C3orf52: variants seen among roughly 807,000 people sequenced by gnomAD.
C3orf52 encodes chromosome 3 open reading frame 52.
In C3orf52, 22 loss-of-function variants were observed where a neutral mutation model predicts 24.8. The ratio of observed to expected loss-of-function variants is 0.89; its 90% CI spans 0.63 to 1.27. The LOEUF is 1.27. Ranked by LOEUF, C3orf52 falls within the 50% of genes most tolerant of loss-of-function variation. The pLI is 0.00. For missense variants in C3orf52, 265 were observed against 260.7 expected (o/e 1.02, Z -0.11); for synonymous variants, 93 against 100.2 (o/e 0.93, Z 0.43).
At chr3:112,123,271 TG>T (rs975092082) in intron 4 of C3orf52, 2 of 1,089,654 alleles carry the variant, frequency 1.8e-6, no homozygotes, top group Non-Finnish European at 2.6e-6. Flanking sequence ...GATAAATGGT[TG>T]ATCTTTAGAT....
intron 4 of C3orf52, among the ~76,000 whole-genome samples, chr3:112,110,121 G>T (rs2074064762): frequency 6.6e-6 from 1 of 152,152 alleles, no homozygotes; most frequent in Non-Finnish European, 1.5e-5. Flanking sequence ...CTTGAGGTCA[G>T]GAGTTCAAGA....
In C3orf52 at chr3:112,127,868, A is replaced by T. The variant is rs538586565; in HGVS notation, c.*47-365A>T. On this transcript the variant is annotated intron_variant, in intron 4 of 4. Transcript: ENST00000480282. ...TCCTGTTTCTCATCAAATTGGAAGGATTGCTTCCCTGATTAACTCTTAGGT... is the reference window on the plus strand; with the variant it reads ...TCCTGTTTCTCATCAAATTGGAAGGTTTGCTTCCCTGATTAACTCTTAGGT... 4 of 652,286 alleles carry T rather than the reference A, an allele frequency of 6.1e-6. No individual in the cohort carries two copies. In the South Asian group the frequency reaches 7.5e-5, roughly 12 times the overall value. The allele number at this position is 652,286 out of a possible 1,614,324, so 40.4% of individuals were successfully genotyped here. A position where few individuals can be genotyped will look rare whatever the true frequency, so the allele number is the denominator to read the frequency against.
chr3:112,114,431 C>T (rs1274415148), intron 5 of C3orf52, among the ~76,000 whole-genome samples: 2 of 150,250 alleles, frequency 1.3e-5, no homozygotes, highest in African/African-American at 4.9e-5. Flanking sequence ...AAGCCAGGCG[C>T]GGTGGCTCAC....
At chr3:112,093,963 C>T (rs1261724820) in intron 2 of C3orf52, among the ~76,000 whole-genome samples, 2 of 151,914 alleles carry the variant, frequency 1.3e-5, no homozygotes, top group Non-Finnish European at 2.9e-5. Context: ...AACCATGTGT[C>T]CATAAGCTGT....
downstream of C3orf52, chr3:112,122,395 G>A (rs2074217276): frequency 6.6e-6 from 1 of 152,288 alleles, no homozygotes; most frequent in South Asian, 2.1e-4. Context: ...GAGTGGGCTA[G>A]ATTTGGCCTG....
At chr3:112,126,589 A>T (rs867761929) in intron 4 of C3orf52, among the ~76,000 whole-genome samples, 2 of 152,066 alleles carry the variant, frequency 1.3e-5, no homozygotes, top group Middle Eastern at 3.2e-3. Context: ...CCGCCTCCCC[A>T]CTGTGTAAAG....
At chr3:112,099,666 T>C (rs2073954816) in intron 2 of C3orf52, among the ~76,000 whole-genome samples, 1 of 152,212 alleles carries the variant, frequency 6.6e-6, no homozygotes, top group African/African-American at 2.4e-5. Flanking sequence ...GGAAAATATA[T>C]TCATAAGGTG....
chr3:112,104,580 C>G (rs562290880), intron 3 of C3orf52, among the ~76,000 whole-genome samples: 1 of 151,784 alleles, frequency 6.6e-6, no homozygotes, highest in Non-Finnish European at 1.5e-5. Context: ...ATTTCTCTTT[C>G]TCCTTCTCTT....
At chr3:112,133,360 G>A, downstream of C3orf52, 2 of 451,930 alleles carry the variant, frequency 4.4e-6, no homozygotes, top group Non-Finnish European at 7.9e-6. Context: ...CCTGGCTGTT[G>A]GCCATAACCA....
At chr3:112,135,957 T>G (rs2074546889), downstream of C3orf52, among the ~76,000 whole-genome samples, 1 of 152,204 alleles carries the variant, frequency 6.6e-6, no homozygotes, top group Non-Finnish European at 1.5e-5. Flanking sequence ...GGATTGGTTA[T>G]GTTCTCTCAC....
intron 2 of C3orf52, among the ~76,000 whole-genome samples, chr3:112,100,587 T>C (rs2073963890): frequency 6.6e-6 from 1 of 152,234 alleles, no homozygotes; most frequent in Non-Finnish European, 1.5e-5. Flanking sequence ...CTCAGTGTCC[T>C]TGAGTTTAGC....
downstream of C3orf52, chr3:112,133,757 G>A (rs1576177626): frequency 6.6e-6 from 1 of 152,320 alleles, no homozygotes; most frequent in African/African-American, 2.4e-5. Flanking sequence ...GTATGGCAAG[G>A]TATGCAAAGC....
chr3:112,104,010 G>T (rs1209801814), intron 3 of C3orf52, among the ~76,000 whole-genome samples: 1 of 152,170 alleles, frequency 6.6e-6, no homozygotes, highest in Non-Finnish European at 1.5e-5. Context: ...CAGTTAGAAG[G>T]TGTTACAATA....
At chr3:112,100,743 A>G (rs751330730) in intron 2 of C3orf52, among the ~76,000 whole-genome samples, 2 of 152,254 alleles carry the variant, frequency 1.3e-5, no homozygotes, top group African/African-American at 4.8e-5. Context: ...GCTAAAAATG[A>G]TAAATGTCAT....
chr3:112,133,243 C>T (rs2074501833), downstream of C3orf52: 3 of 1,009,818 alleles, frequency 3.0e-6, no homozygotes, highest in South Asian at 4.1e-5. Context: ...CGTGCAGAGA[C>T]AGCAGAAAGG....
In C3orf52 at chr3:112,086,430, A is replaced by T. The variant is rs2073825630; in HGVS notation, c.23A>T (p.Gln8Leu). 3 of 1,550,442 alleles carry T rather than the reference A, an allele frequency of 1.9e-6. No homozygotes were observed. Among genetic ancestry groups the T allele is most frequent in the Non-Finnish European group, 2.6e-6 (3 of 1,146,378 alleles). MDLAQPS[Q>L]PVDELELSVL... ...CACATGGACCTGGCCCAACCCTCAC[A>T]GCCAGTAGACGAGCTGGAGCTCTCG... The change falls in exon 1 of 6, where the codon CAG becomes CTG. Residue 8 changes from glutamine (Q) to leucine (L), a missense_variant. Physicochemically the swap from Gln to Leu is moderately radical, Grantham distance 113. Coordinates refer to ENST00000264848, the MANE Select transcript of C3orf52 (RefSeq NM_024616.3).
At chr3:112,101,012 G>A (rs1002765944) in intron 2 of C3orf52, among the ~76,000 whole-genome samples, 4 of 152,084 alleles carry the variant, frequency 2.6e-5, no homozygotes, top group Non-Finnish European at 5.9e-5. Context: ...TCTTTGCTTT[G>A]TTACAATTTC....
At chr3:112,100,061 A>T (rs1032906149) in intron 2 of C3orf52, among the ~76,000 whole-genome samples, 2 of 151,990 alleles carry the variant, frequency 1.3e-5, no homozygotes, top group Non-Finnish European at 2.9e-5. Context: ...TTTCTCATTA[A>T]TTTTTTCTTT....
At chr3:112,097,046 T>C (rs1012063729) in intron 2 of C3orf52, among the ~76,000 whole-genome samples, 1 of 152,212 alleles carries the variant, frequency 6.6e-6, no homozygotes, top group Non-Finnish European at 1.5e-5. Flanking sequence ...ATTCTGTTAT[T>C]TGAGACTCTT....
Sources: allele counts gnomAD v4.1 joint callset (sites outside exome capture counted in the v4.1 genomes callset), GRCh38; gene constraint gnomAD v4.1.1; transcripts MANE v1.5; gene names NCBI Gene and HGNC (gene_info 2026-07-23, HGNC 2026-07-21).